The following MCCC2 variants were observed in gnomAD, a reference collection of about 807,000 sequenced individuals.
MCCC2 encodes methylcrotonoyl-CoA carboxylase beta chain, mitochondrial.
MCCC2 carries 52 observed loss-of-function variants against 77.2 expected under a neutral mutation model. The ratio of observed to expected loss-of-function variants is 0.67; its 90% CI spans 0.54 to 0.85. The LOEUF (loss-of-function observed/expected upper bound fraction) is 0.85. Among genes scored for constraint, MCCC2 ranks in the 40% least tolerant of loss-of-function variants. The pLI, the probability that MCCC2 is intolerant of heterozygous loss-of-function variation, is 0.00. For synonymous variants in MCCC2, 253 were observed against 248.4 expected (o/e 1.02, Z -0.18); for missense variants, 682 against 703.2 (o/e 0.97, Z 0.34).
At chr5:71,603,415 C>CAAA (rs10538231) in intron 5 of MCCC2, among the ~76,000 whole-genome samples, 3 of 74,232 alleles carry the variant, frequency 4.0e-5, no homozygotes, top group African/African-American at 1.1e-4. Flanking sequence ...GAGACTGTCT[C>CAAA]AAAAAAAAAA....
At chr5:71,610,787 C>G (rs905859110) in intron 6 of MCCC2, among the ~76,000 whole-genome samples, 3 of 150,608 alleles carry the variant, frequency 2.0e-5, no homozygotes, top group Admixed American at 6.6e-5. Context: ...GAGATCGAGA[C>G]TATCCTGGCT....
At chr5:71,608,959 C>G (rs1302643808) in intron 6 of MCCC2, among the ~76,000 whole-genome samples, 1 of 152,072 alleles carries the variant, frequency 6.6e-6, no homozygotes, top group Non-Finnish European at 1.5e-5. Flanking sequence ...ATGGGCTTCC[C>G]TTTGAGGGTA....
chr5:71,592,840 T>TG, intron 1 of MCCC2, 86 bp from the exon 2 acceptor site: 2 of 661,188 alleles, frequency 3.0e-6, no homozygotes, highest in South Asian at 4.7e-5. Context: ...AGACCACTGT[T>TG]TTTTTTTTTT....
Position 71,633,116 on chromosome 5 carries a change from TA to T in MCCC2, c.803+932del, listed in dbSNP as rs1561841328. The stretch of plus-strand genomic sequence containing the variant: ...TTATATATATATATATATATATATA[TA>T]TATATATATATATATTTTTATTTTT... On this transcript the variant is annotated intron_variant, in intron 8 of 16. Coordinates refer to ENST00000340941, the MANE Select transcript of MCCC2 (RefSeq NM_022132.5). Among the ~76,000 whole-genome samples, 12 of 107,452 alleles carry T rather than the reference TA, an allele frequency of 1.1e-4. 1 individual carries two copies. The highest frequency in any genetic ancestry group is 2.6e-4 in the African/African-American group (8 of 30,312). 70.5% of individuals were successfully genotyped at this position (107,452 alleles called of 152,430 possible).
chr5:71,623,876 T>C (rs1561837204), intron 6 of MCCC2, among the ~76,000 whole-genome samples: 1 of 152,228 alleles, frequency 6.6e-6, no homozygotes, highest in Non-Finnish European at 1.5e-5. Context: ...GAAGTAGATA[T>C]GCTAATAATT....
At chr5:71,608,896 C>T (rs528296042) in intron 6 of MCCC2, among the ~76,000 whole-genome samples, 220 of 152,188 alleles carry the variant, frequency 1.4e-3, no homozygotes, top group African/African-American at 5.0e-3. Context: ...GAATATTGGC[C>T]CCTAGTCTCT....
chr5:71,606,954 G>A (rs1487931605), intron 6 of MCCC2, among the ~76,000 whole-genome samples: 1 of 151,300 alleles, frequency 6.6e-6, no homozygotes, highest in Non-Finnish European at 1.5e-5. Flanking sequence ...TAAGCTTTTT[G>A]ATGTGCTGCT....
At chr5:71,613,158 A>G (rs570908346) in intron 6 of MCCC2, among the ~76,000 whole-genome samples, 4 of 152,258 alleles carry the variant, frequency 2.6e-5, no homozygotes, top group Non-Finnish European at 5.9e-5. Context: ...ATTCTTAATT[A>G]TATCTGCAAA....
intron 6 of MCCC2, among the ~76,000 whole-genome samples, chr5:71,620,831 T>C (rs1198286409): frequency 6.6e-6 from 1 of 152,176 alleles, no homozygotes; most frequent in Non-Finnish European, 1.5e-5. Flanking sequence ...GTTCTTACTC[T>C]TGATTCAAGT....
chr5:71,633,123 A>ATTTTTT lies in MCCC2; in HGVS notation c.803+939_803+940insTTTTTT, dbSNP rs1391065508. On this transcript the variant is annotated intron_variant, in intron 8 of 16. Transcript: ENST00000340941. Reference sequence around the variant, plus strand: ...TATATATATATATATATATATATATATATATATATTTTTATTTTTTGTAGA... The same window carrying ATTTTTT: ...TATATATATATATATATATATATATATTTTTTTATATATATTTTTATTTTTTGTAGA... Among the ~76,000 whole-genome samples the ATTTTTT allele has an allele frequency of 2.2e-3, 71 of 31,778 alleles. 4 individuals are homozygous for ATTTTTT. The highest frequency in any genetic ancestry group is 0.016 in the East Asian group (9 of 550). The allele number at this position is 31,778 out of a possible 152,430, so 20.8% of individuals were successfully genotyped here.
In MCCC2 at chr5:71,604,941, A is replaced by G. The variant is rs1371092551; in HGVS notation, c.624+473A>G. On this transcript the variant is annotated intron_variant, in intron 6 of 16. Coordinates refer to ENST00000340941, the MANE Select transcript of MCCC2 (RefSeq NM_022132.5). ...ATTTTTTATGGCTGCATAGTATTCCATGGTGTATATGTGCCACATTTTCTT... is the reference window on the plus strand; with the variant it reads ...ATTTTTTATGGCTGCATAGTATTCCGTGGTGTATATGTGCCACATTTTCTT... Among the ~76,000 whole-genome samples the G allele has an allele frequency of 2.1e-5, 3 of 143,600 alleles. No individual in the cohort carries two copies. The East Asian group carries it at 6.0e-4, about 29-fold the overall frequency. The allele number at this position is 143,600 out of a possible 152,430, so 94.2% of individuals were successfully genotyped here.
At chr5:71,630,778 T>C (rs1746681926) in intron 7 of MCCC2, among the ~76,000 whole-genome samples, 1 of 152,210 alleles carries the variant, frequency 6.6e-6, no homozygotes, top group Non-Finnish European at 1.5e-5. Context: ...TTTTTCTTTT[T>C]GTTTCAGGGC....
rs1580281124 is a variant in MCCC2, at chr5:71,602,628, A to G, written c.506A>G (p.Tyr169Cys). The G allele has an allele frequency of 6.2e-7, 1 of 1,614,066 alleles. No individual in the cohort carries two copies. ...IAMQNRLPCIYLVDSGGAYLP... is the reference protein window; with the variant it reads ...IAMQNRLPCICLVDSGGAYLP... Reference sequence around the variant, plus strand: ...ATGCAAAACAGGCTCCCCTGCATCTACTTAGGCAAGTCACCAGAGTGGTAA... The same window carrying G: ...ATGCAAAACAGGCTCCCCTGCATCTGCTTAGGCAAGTCACCAGAGTGGTAA... Residue 169 changes from tyrosine to cysteine, a missense_variant, in exon 5 of 17, where the codon TAC becomes TGC. Physicochemically the swap from Tyr to Cys is radical, Grantham distance 194 (BLOSUM62 -2). Transcript: ENST00000340941.
At chr5:71,599,055 A>G (rs1300340342) in intron 3 of MCCC2, among the ~76,000 whole-genome samples, 1 of 151,828 alleles carries the variant, frequency 6.6e-6, no homozygotes, top group Non-Finnish European at 1.5e-5. Flanking sequence ...CACCCCACCT[A>G]CCTCCAAAAG....
chr5:71,597,728 A>G (rs1172780108), intron 3 of MCCC2, among the ~76,000 whole-genome samples: 3 of 152,182 alleles, frequency 2.0e-5, no homozygotes, highest in African/African-American at 7.2e-5. Flanking sequence ...CACCTAGTAT[A>G]TTATCCTTCT....
intron 7 of MCCC2, among the ~76,000 whole-genome samples, chr5:71,631,918 C>T (rs1360406327): frequency 6.6e-6 from 1 of 152,180 alleles, no homozygotes; most frequent in Non-Finnish European, 1.5e-5. Flanking sequence ...TTCTTTGTGA[C>T]TCTGGGCTTA....
At position 71,646,204 on chromosome 5, in the gene MCCC2, C is replaced by T; in HGVS notation, c.1150-7C>T. The T allele has an allele frequency of 6.2e-7, 1 of 1,612,088 alleles. No homozygotes were observed. Among genetic ancestry groups the T allele is most frequent in the South Asian group, 1.1e-5 (1 of 91,014 alleles). ...TTTAAAAAGATTTTTATGTTATTTG[C>T]TTATAGGGTACTCACTTTGTCCAGT... On this transcript the variant is annotated splice_region_variant and splice_polypyrimidine_tract_variant and intron_variant, in intron 12 of 16. Transcript: ENST00000340941.
chr5:71,637,516 G>A (rs1746971728), intron 10 of MCCC2, among the ~76,000 whole-genome samples: 1 of 152,214 alleles, frequency 6.6e-6, no homozygotes, highest in South Asian at 2.1e-4. Flanking sequence ...TGAACCTTCA[G>A]TGAATCATCT....
chr5:71,635,419 G>A, intron 10 of MCCC2, 173 bp downstream of exon 10: 1 of 710,070 alleles, frequency 1.4e-6, no homozygotes, highest in Non-Finnish European at 2.5e-6. Flanking sequence ...GGATATCATT[G>A]GCACAGAGTA....
Sources: gnomAD v4.1 joint callset for allele counts (sites outside exome capture counted in the v4.1 genomes callset) on GRCh38, gnomAD v4.1.1 for gene constraint, MANE v1.5 for transcripts, NCBI Gene and HGNC (gene_info 2026-07-23, HGNC 2026-07-21) for gene names.